The following GRIN2B variants were observed in gnomAD, a reference collection of about 807,000 sequenced individuals.
GRIN2B encodes the protein glutamate ionotropic receptor NMDA type subunit 2B.
In GRIN2B, 5 loss-of-function variants were observed where a neutral mutation model predicts 114.5. The ratio of observed to expected loss-of-function variants is 0.04; its 90% CI spans 0.02 to 0.09. The LOEUF (loss-of-function observed/expected upper bound fraction) is 0.09. GRIN2B is among the 10% of genes least tolerant of loss of function. The pLI, the probability that GRIN2B is intolerant of heterozygous loss-of-function variation, is 1.00. For missense variants in GRIN2B, 1,108 were observed against 1,943.5 expected, an observed-to-expected ratio of 0.57 and a Z score of 8.08; for synonymous variants, 787 against 745.1, an observed-to-expected ratio of 1.06 and a Z score of -0.92.
intron 5 of GRIN2B, among the ~76,000 whole-genome samples, chr12:13,635,110 G>A (rs1297707447): frequency 2.0e-5 from 3 of 152,204 alleles, no homozygotes; most frequent in Non-Finnish European, 4.4e-5. Context: ...TCAGGTGCCT[G>A]GGCCAACAGA....
intron 4 of GRIN2B, among the ~76,000 whole-genome samples, chr12:13,748,821 A>G (rs1302502249): frequency 6.6e-6 from 1 of 152,246 alleles, no homozygotes; most frequent in Non-Finnish European, 1.5e-5. Flanking sequence ...AAATAAAACT[A>G]CAAGAGCCCC....
At chr12:13,957,156 C>G (rs1867606679) in intron 2 of GRIN2B, among the ~76,000 whole-genome samples, 1 of 152,202 alleles carries the variant, frequency 6.6e-6, no homozygotes, top group Non-Finnish European at 1.5e-5. Context: ...ATTAGCTGTT[C>G]TCTTGGGGAT....
chr12:13,768,773 G>A (rs548836625), intron 3 of GRIN2B, among the ~76,000 whole-genome samples: 4 of 152,324 alleles, frequency 2.6e-5, no homozygotes, highest in Middle Eastern at 6.8e-3. Context: ...GGTGGCTCAC[G>A]CCTGTAATCC....
intron 2 of GRIN2B, among the ~76,000 whole-genome samples, chr12:13,877,101 A>G (rs1591598515): frequency 1.3e-5 from 2 of 152,286 alleles, no homozygotes; most frequent in Middle Eastern, 3.4e-3. Context: ...ATCTGGATGT[A>G]TATTTGTATG....
intron 3 of GRIN2B, among the ~76,000 whole-genome samples, chr12:13,758,314 G>T (rs1356501095): frequency 1.3e-5 from 2 of 151,914 alleles, no homozygotes; most frequent in African/African-American, 2.4e-5. Context: ...CTAACCTCAG[G>T]CTCAGAGTCT....
At chr12:13,803,027 T>C (rs1023172832) in intron 3 of GRIN2B, among the ~76,000 whole-genome samples, 1 of 152,132 alleles carries the variant, frequency 6.6e-6, no homozygotes, top group Non-Finnish European at 1.5e-5. Context: ...TCAATTTGAG[T>C]ATGACATGAT....
At chr12:13,775,048 G>A (rs1179211560) in intron 3 of GRIN2B, among the ~76,000 whole-genome samples, 1 of 152,048 alleles carries the variant, frequency 6.6e-6, no homozygotes, top group African/African-American at 2.4e-5. Context: ...GGCATTCATG[G>A]GATTAGAGGC....
intron 4 of GRIN2B, among the ~76,000 whole-genome samples, chr12:13,699,287 G>A (rs1446700699): frequency 6.6e-6 from 1 of 152,144 alleles, no homozygotes; most frequent in African/African-American, 2.4e-5. Flanking sequence ...GTGCTACAAA[G>A]TAGGACATAT....
At chr12:13,974,650 ACTCT>A (rs1347938025) in intron 2 of GRIN2B, among the ~76,000 whole-genome samples, 3 of 151,590 alleles carry the variant, frequency 2.0e-5, no homozygotes, top group South Asian at 2.1e-4. Flanking sequence ...AGCCCTCCTC[ACTCT>A]CCCAGATTTC....
At chr12:13,598,686 C>T (rs1211478616) in intron 10 of GRIN2B, among the ~76,000 whole-genome samples, 1 of 152,136 alleles carries the variant, frequency 6.6e-6, no homozygotes, top group African/African-American at 2.4e-5. Context: ...GATTTCCTGG[C>T]TACCTCCTTG....
intron 3 of GRIN2B, among the ~76,000 whole-genome samples, chr12:13,821,689 G>C (rs1049442626): frequency 2.0e-5 from 3 of 152,178 alleles, no homozygotes; most frequent in African/African-American, 7.2e-5. Flanking sequence ...AAAAATCGTA[G>C]CACCAGGCAC....
chr12:13,837,952 T>C (rs1234827234), intron 3 of GRIN2B, among the ~76,000 whole-genome samples: 1 of 152,204 alleles, frequency 6.6e-6, no homozygotes, highest in African/African-American at 2.4e-5. Flanking sequence ...CAAATGCAAA[T>C]AAATATTAAA....
chr12:13,587,229 ACT>A (rs1310735769), intron 10 of GRIN2B, among the ~76,000 whole-genome samples: 38 of 152,158 alleles, frequency 2.5e-4, no homozygotes, highest in African/African-American at 9.2e-4. Context: ...CTGAACTTAG[ACT>A]GGTCATTCCC....
At chr12:13,642,256 T>G (rs1256216157) in intron 5 of GRIN2B, among the ~76,000 whole-genome samples, 2 of 151,972 alleles carry the variant, frequency 1.3e-5, no homozygotes, top group East Asian at 3.9e-4. Context: ...AAATGTAACT[T>G]AAAAAAACCC....
At chr12:13,805,130 CT>C (rs1245351092) in intron 3 of GRIN2B, among the ~76,000 whole-genome samples, 1 of 152,038 alleles carries the variant, frequency 6.6e-6, no homozygotes, top group Non-Finnish European at 1.5e-5. Flanking sequence ...TTGAAAAGAG[CT>C]TTTCAATCAT....
intron 5 of GRIN2B, among the ~76,000 whole-genome samples, chr12:13,657,135 CAA>C: frequency 6.6e-6 from 1 of 151,978 alleles, no homozygotes; most frequent in East Asian, 1.9e-4. Flanking sequence ...TGACTGACTG[CAA>C]AGAGTCAATA....
At chr12:13,967,647 G>T (rs559342274) in intron 2 of GRIN2B, among the ~76,000 whole-genome samples, 2 of 152,342 alleles carry the variant, frequency 1.3e-5, no homozygotes, top group South Asian at 2.1e-4. Context: ...GGACATGAGG[G>T]TGGATGCTGT....
At chr12:13,734,408 T>C (rs1863146098) in intron 4 of GRIN2B, among the ~76,000 whole-genome samples, 1 of 152,174 alleles carries the variant, frequency 6.6e-6, no homozygotes, top group Non-Finnish European at 1.5e-5. Context: ...AGTACGTTAC[T>C]GATTATAAAG....
chr12:13,939,048 A>C (rs752497955), intron 2 of GRIN2B, among the ~76,000 whole-genome samples: 9 of 152,186 alleles, frequency 5.9e-5, no homozygotes, highest in Non-Finnish European at 1.2e-4. Context: ...GAAAGACTTT[A>C]ACTGTTCCCT....
Sources: gnomAD v4.1 joint callset for allele counts (sites outside exome capture counted in the v4.1 genomes callset) on GRCh38, gnomAD v4.1.1 for gene constraint, MANE v1.5 for transcripts, NCBI Gene and HGNC (gene_info 2026-07-23, HGNC 2026-07-21) for gene names.